SLC9A9: variants seen among roughly 807,000 people sequenced by gnomAD.
SLC9A9 encodes solute carrier family 9 member A9.
SLC9A9 carries 62 observed loss-of-function variants against 77.8 expected under a neutral mutation model. The observed-to-expected ratio is 0.80, with a 90% CI of 0.65 to 0.98. The LOEUF is 0.98. Ranked by LOEUF, SLC9A9 falls within the 50% of genes least tolerant of loss-of-function variation. The pLI is 0.00. For synonymous variants in SLC9A9, 320 were observed against 283.5 expected, an observed-to-expected ratio of 1.13 and a Z score of -1.29; for missense variants, 775 against 774.9, an observed-to-expected ratio of 1.00 and a Z score of 0.00.
rs1162595666 is a variant in SLC9A9 at position 143,526,245 on chromosome 3, A to G, written c.1089+26117T>C. 3.3e-5 allele frequency among the ~76,000 whole-genome samples: 5 copies of G among 152,168 alleles called. No homozygotes were observed. The South Asian group carries it at 1.0e-3, about 32-fold the overall frequency. ...CAGATGCCTAGAAGCACCAAAAGGA[A>G]GTCTGGAGGGTTTGTTTTCTCCTTC... is the stretch of plus-strand genomic sequence containing the variant. On this transcript the variant is annotated intron_variant, in intron 9 of 15. Coordinates refer to ENST00000316549, the MANE Select transcript of SLC9A9 (RefSeq NM_173653.4).
intron 10 of SLC9A9, among the ~76,000 whole-genome samples, chr3:143,494,129 G>C (rs1287936398): frequency 6.6e-6 from 1 of 152,118 alleles, no homozygotes; most frequent in Non-Finnish European, 1.5e-5. Flanking sequence ...TTCCCAAGTG[G>C]TACTTTAGAA....
At chr3:143,391,554 C>T (rs927956415) in intron 12 of SLC9A9, among the ~76,000 whole-genome samples, 1 of 152,226 alleles carries the variant, frequency 6.6e-6, no homozygotes, top group African/African-American at 2.4e-5. Flanking sequence ...CTCTCCCCCT[C>T]CAAAGGAACA....
intron 4 of SLC9A9, among the ~76,000 whole-genome samples, chr3:143,747,709 G>GA (rs886646874): frequency 6.6e-6 from 1 of 152,214 alleles, no homozygotes; most frequent in Non-Finnish European, 1.5e-5. Context: ...CAGCCTCTGG[G>GA]AAAAAAGAAG....
intron 12 of SLC9A9, among the ~76,000 whole-genome samples, chr3:143,455,683 T>C (rs2035078402): frequency 6.6e-6 from 1 of 152,150 alleles, no homozygotes; most frequent in Admixed American, 6.5e-5. Flanking sequence ...TTAGAAGTGG[T>C]ATTGACTTTA....
chr3:143,802,050 G>T (rs2008577888), intron 2 of SLC9A9, among the ~76,000 whole-genome samples: 2 of 152,182 alleles, frequency 1.3e-5, no homozygotes, highest in Admixed American at 6.5e-5. Context: ...TGATAAGGTA[G>T]CTAAAGAAGC....
intron 2 of SLC9A9, among the ~76,000 whole-genome samples, chr3:143,813,849 C>T (rs925688814): frequency 6.6e-6 from 1 of 152,240 alleles, no homozygotes; most frequent in African/African-American, 2.4e-5. Flanking sequence ...AAAATATATA[C>T]ATTTTTAAAG....
chr3:143,633,318 G>T (rs533028725), intron 6 of SLC9A9, among the ~76,000 whole-genome samples: 2 of 151,978 alleles, frequency 1.3e-5, no homozygotes, highest in Admixed American at 6.6e-5. Context: ...AAAGATTAAG[G>T]CTATGTAAAA....
chr3:143,743,954 C>A (rs1044985298), intron 4 of SLC9A9, among the ~76,000 whole-genome samples: 28 of 152,144 alleles, frequency 1.8e-4, no homozygotes, highest in Non-Finnish European at 4.0e-4. Context: ...ACTCCTGACA[C>A]TTTTAAGCCC....
At chr3:143,727,127 T>C (rs1168471203) in intron 4 of SLC9A9, among the ~76,000 whole-genome samples, 1 of 152,182 alleles carries the variant, frequency 6.6e-6, no homozygotes, top group Non-Finnish European at 1.5e-5. Flanking sequence ...AACAAACTTA[T>C]AATTAACACC....
chr3:143,277,274 G>A (rs1938078356), intron 14 of SLC9A9, among the ~76,000 whole-genome samples: 2 of 152,290 alleles, frequency 1.3e-5, no homozygotes, highest in South Asian at 2.1e-4. Context: ...GAAGAAAGTC[G>A]AAACCCAGTG....
At chr3:143,707,337 C>A (rs1934009825) in intron 4 of SLC9A9, among the ~76,000 whole-genome samples, 1 of 149,788 alleles carries the variant, frequency 6.7e-6, no homozygotes, top group African/African-American at 2.5e-5. Context: ...GTGTCAAACA[C>A]CCTATTAGTA....
intron 11 of SLC9A9, among the ~76,000 whole-genome samples, chr3:143,482,815 CTTTAA>C (rs1442335510): frequency 6.6e-6 from 1 of 152,244 alleles, no homozygotes; most frequent in Non-Finnish European, 1.5e-5. Flanking sequence ...ACATCTCCTC[CTTTAA>C]TTTAAACAAC....
chr3:143,804,475 G>A (rs951575197), intron 2 of SLC9A9, among the ~76,000 whole-genome samples: 1 of 152,054 alleles, frequency 6.6e-6, no homozygotes, highest in Non-Finnish European at 1.5e-5. Flanking sequence ...GATGGCTGCC[G>A]CCCTAGCTGG....
chr3:143,544,008 G>A (rs2036739362), intron 9 of SLC9A9, among the ~76,000 whole-genome samples: 1 of 151,918 alleles, frequency 6.6e-6, no homozygotes, highest in Non-Finnish European at 1.5e-5. Flanking sequence ...AGCAGTGTAT[G>A]AGTTCTCTTT....
At chr3:143,786,724 G>A (rs1217323559) in intron 4 of SLC9A9, among the ~76,000 whole-genome samples, 1 of 152,156 alleles carries the variant, frequency 6.6e-6, no homozygotes, top group African/African-American at 2.4e-5. Context: ...CAGGGCAGCA[G>A]TGTATTTATT....
intron 14 of SLC9A9, among the ~76,000 whole-genome samples, chr3:143,342,987 CTG>C (rs1185096468): frequency 6.6e-6 from 1 of 152,198 alleles, no homozygotes; most frequent in East Asian, 1.9e-4. Context: ...ATAAAAATGA[CTG>C]TAATAATACA....
chr3:143,845,951 T>C (rs1016654938), intron 1 of SLC9A9, among the ~76,000 whole-genome samples: 60 of 152,198 alleles, frequency 3.9e-4, no homozygotes, highest in Non-Finnish European at 3.4e-4. Context: ...ATTCCACTCA[T>C]AAACTTTAAG....
Position 143,617,789 on chromosome 3 carries a change from C to T in SLC9A9, c.755+34466G>A, listed in dbSNP as rs79143356. 7.6e-3 allele frequency among the ~76,000 whole-genome samples: 1,153 copies of T among 152,244 alleles called. 14 individuals are homozygous for T. Among genetic ancestry groups the T allele is most frequent in the African/African-American group, 0.027 (1,107 of 41,540 alleles). On this transcript the variant is annotated intron_variant, in intron 6 of 15. Coordinates refer to ENST00000316549, the MANE Select transcript of SLC9A9 (RefSeq NM_173653.4). ...CTGTAGGAATCTAAGTTTACAAATT[C>T]CTGAAGAGGCTGGAGATAAAGGTGG...
intron 11 of SLC9A9, among the ~76,000 whole-genome samples, chr3:143,483,580 A>T (rs1295640972): frequency 6.6e-6 from 1 of 152,222 alleles, no homozygotes; most frequent in Non-Finnish European, 1.5e-5. Context: ...AATACAAAAT[A>T]TCTTACTTAT....
Sources: gnomAD v4.1 joint callset for allele counts (sites outside exome capture counted in the v4.1 genomes callset) on GRCh38, gnomAD v4.1.1 for gene constraint, MANE v1.5 for transcripts, NCBI Gene and HGNC (gene_info 2026-07-23, HGNC 2026-07-21) for gene names.